The following NSMF variants were observed in gnomAD, a reference collection of about 807,000 sequenced individuals.
NSMF encodes the protein NMDA receptor synaptonuclear signaling and neuronal migration factor, also known as nasal embryonic LHRH factor.
A neutral mutation model predicts 71.0 loss-of-function variants in NSMF; 31 were observed. That is an observed-to-expected ratio of 0.44 (90% confidence interval 0.33 to 0.59). The LOEUF is 0.59. Ranked by LOEUF, NSMF falls within the 20% of genes least tolerant of loss-of-function variation. The probability of loss-of-function intolerance (pLI) is 0.04; values close to 1 mark genes in which losing one functional copy is unlikely to be tolerated. For synonymous variants in NSMF, 345 were observed against 287.1 expected (o/e 1.20, Z -2.04); for missense variants, 673 against 740.5 (o/e 0.91, Z 1.06).
intron 6 of NSMF, chr9:137,454,922 C>A: frequency 1.4e-6 from 1 of 694,100 alleles, no homozygotes; most frequent in Non-Finnish European, 2.5e-6. Context: ...ACTTTGGACC[C>A]TGCCAAGGCC....
chr9:137,452,596 GAC>G lies in NSMF; in HGVS notation c.1132-12_1132-11del, dbSNP rs763719270. The G allele has an allele frequency of 3.5e-5, 56 of 1,612,654 alleles. No homozygotes were observed. The highest frequency in any genetic ancestry group is 4.7e-5 in the Non-Finnish European group (56 of 1,179,942). On this transcript the variant is annotated splice_polypyrimidine_tract_variant and intron_variant, in intron 10 of 15. Coordinates refer to ENST00000371475, the MANE Select transcript of NSMF (RefSeq NM_001130969.3). The stretch of plus-strand genomic sequence containing the variant: ...TTGCGTGCTCATGGTCCTGGGGACA[GAC>G]ACAGGCCACAAGGCCACATCAAGGC...
At position 137,456,484 on chromosome 9, in the gene NSMF, C is replaced by T. The variant is rs747436973; in HGVS notation, c.631G>A (p.Asp211Asn). 5.0e-6 allele frequency: 8 copies of T among 1,610,374 alleles called. No individual in the cohort carries two copies. The highest frequency in any genetic ancestry group is 2.7e-5 in the African/African-American group (2 of 74,838). The change falls in exon 4 of 16, where the codon GAC becomes AAC. Residue 211 changes from aspartate (D) to asparagine (N), a missense_variant and splice_region_variant. Coordinates refer to ENST00000371475, the MANE Select transcript of NSMF (RefSeq NM_001130969.3). Reference protein sequence around the residue: ...RMYSVDRVSDDIPIRTWFPKE... With the variant: ...RMYSVDRVSDNIPIRTWFPKE... ...GGGAACCAGGTACGAATAGGGATGT[C>T]GTCTAAGAGAGACAAAAAGGAGCGG...
At chr9:137,458,009 G>T (rs1259706899) in intron 2 of NSMF, 108 bp from the exon 3 acceptor site, 1 of 1,484,308 alleles carries the variant, frequency 6.7e-7, no homozygotes. Context: ...GCCTCTGTGG[G>T]GGACTAGGGC....
Position 137,458,522 on chromosome 9 carries a change from C to A in NSMF, c.99G>T (p.Leu33=). Residue 33 remains leucine (L), a synonymous_variant, in exon 2 of 16, where the codon CTG becomes CTT. Transcript: ENST00000371475. The part of the protein sequence containing the change: ...VRAARAFGEY[L]SQSHPENRNG... ...TGCGGTTCTCAGGGTGACTCTGGGACAGGTACTCTCCAAACGCTCGGGCTG... is the reference window on the plus strand; with the variant it reads ...TGCGGTTCTCAGGGTGACTCTGGGAAAGGTACTCTCCAAACGCTCGGGCTG... 4 of 1,599,042 alleles carry A rather than the reference C, an allele frequency of 2.5e-6. No homozygotes were observed. Among genetic ancestry groups the A allele is most frequent in the Non-Finnish European group, 3.4e-6 (4 of 1,174,638 alleles).
chr9:137,457,321 C>G (rs1830884347), intron 3 of NSMF, 86 bp downstream of exon 3: 1 of 1,582,072 alleles, frequency 6.3e-7, no homozygotes, highest in East Asian at 2.2e-5. Flanking sequence ...GTTCTCTGTT[C>G]CAAGCCTCAC....
In NSMF at chr9:137,453,062, C is replaced by T. The variant is rs1213277502; in HGVS notation, c.1041G>A (p.Lys347=). 1.9e-6 allele frequency: 3 copies of T among 1,612,376 alleles called. No homozygotes were observed. The highest frequency in any genetic ancestry group is 2.7e-5 in the African/African-American group (2 of 74,904). ...TGCCCGGGCTGGGCCTCACCATGACCTTTGGTGGCACGAAGCCTTCGGTGT... is the reference window on the plus strand; with the variant it reads ...TGCCCGGGCTGGGCCTCACCATGACTTTTGGTGGCACGAAGCCTTCGGTGT... ...ACDTEGFVPP[K]VMLISSKVPK... Residue 347 remains lysine, a synonymous_variant, in exon 9 of 16, where the codon AAG becomes AAA. Transcript: ENST00000371475. This position sits in a 1 kb window ranked among gnomAD's most constrained non-coding sequence, Gnocchi z 4.5.
chr9:137,453,788 G>A lies in NSMF; in HGVS notation c.865C>T (p.Arg289Trp), dbSNP rs1830674469. 1 of 1,599,484 alleles carries A rather than the reference G, an allele frequency of 6.3e-7. No homozygotes were observed. Residue 289 changes from arginine (R) to tryptophan (W), a missense_variant, in exon 8 of 16, where the codon CGG (arginine) becomes TGG (tryptophan). Coordinates refer to ENST00000371475, the MANE Select transcript of NSMF (RefSeq NM_001130969.3). This position sits in a 1 kb window ranked among gnomAD's most constrained non-coding sequence, Gnocchi z 4.5. ...FAERRERSFS[R>W]SWSDPTPMKA... ...ATGGGGGTGGGGTCGCTCCAGGACC[G>A]GCTGAAGCTCCGCTCGCGCCGCTCA...
At position 137,456,440 on chromosome 9, in the gene NSMF, G is replaced by A. The variant is rs1251952492; in HGVS notation, c.675C>T (p.Ser225=). The A allele has an allele frequency of 1.9e-6, 3 of 1,613,216 alleles. No homozygotes were observed. The highest frequency in any genetic ancestry group is 4.5e-5 in the East Asian group (2 of 44,896). ...GCATAGTTGTGGTTGCTGTCTGGAA[G>A]CTGAAAAGATTTTCCTTGGGGAACC... The part of the protein sequence containing the change: ...RTWFPKENLF[S]FQTATTTMQA... The change falls in exon 4 of 16, where the codon AGC becomes AGT. Residue 225 remains serine, a synonymous_variant. Coordinates refer to ENST00000371475, the MANE Select transcript of NSMF (RefSeq NM_001130969.3).
At chr9:137,449,793 G>A in intron 14 of NSMF, 119 bp from the exon 15 acceptor site, 4 of 1,299,612 alleles carry the variant, frequency 3.1e-6, no homozygotes, top group Non-Finnish European at 4.4e-6. Flanking sequence ...GCTGGGCTCA[G>A]GCATAAAGGA....
At chr9:137,449,829 G>GA (rs796344026) in intron 14 of NSMF, 94 bp downstream of exon 14, 29 of 1,356,202 alleles carry the variant, frequency 2.1e-5, no homozygotes, top group Non-Finnish European at 2.5e-5. Context: ...CCGGGGGAAG[G>GA]AAAAAAAATG....
intron 7 of NSMF, among the ~76,000 whole-genome samples, chr9:137,454,034 G>A (rs1830694566): frequency 6.6e-6 from 1 of 151,284 alleles, no homozygotes; most frequent in African/African-American, 2.4e-5. Context: ...AGTCTGGGAA[G>A]GGAGGAGCCT....
At chr9:137,458,572 G>A (rs1180274379) in intron 1 of NSMF, 23 bp from the exon 2 acceptor site, 11 of 1,579,606 alleles carry the variant, frequency 7.0e-6, no homozygotes, top group African/African-American at 5.4e-5. Flanking sequence ...AGAGGGCACG[G>A]TCAGAGGCCA....
At chr9:137,456,514 T>C in intron 3 of NSMF, 28 bp from the exon 4 acceptor site, 3 of 1,501,768 alleles carry the variant, frequency 2.0e-6, no homozygotes, top group Non-Finnish European at 2.8e-6. Context: ...GAGCGGTGGC[T>C]GGGTGAAGTA....
intron 2 of NSMF, 65 bp from the exon 3 acceptor site, chr9:137,457,966 G>A: frequency 6.5e-7 from 1 of 1,534,022 alleles, no homozygotes; most frequent in East Asian, 2.4e-5. Context: ...TTTCATAGCA[G>A]GCCGAAGGCA....
At chr9:137,458,607 G>A in intron 1 of NSMF, 58 bp from the exon 2 acceptor site, 1 of 1,495,688 alleles carries the variant, frequency 6.7e-7, no homozygotes, top group Non-Finnish European at 9.1e-7. Context: ...CAAACACCGG[G>A]CCGCGCAAGA....
At chr9:137,449,741 G>A in intron 14 of NSMF, 67 bp from the exon 15 acceptor site, 2 of 1,465,738 alleles carry the variant, frequency 1.4e-6, no homozygotes, top group Admixed American at 3.7e-5. Flanking sequence ...GGAGGAGATG[G>A]GGAGCAGGGC....
At chr9:137,458,090 G>A (rs2132019962) in intron 2 of NSMF, among the ~76,000 whole-genome samples, 189 bp from the exon 3 acceptor site, 1 of 152,324 alleles carries the variant, frequency 6.6e-6, no homozygotes, top group Admixed American at 6.5e-5. Context: ...TCTAGCATGT[G>A]CGTGGGGGCT....
At position 137,453,455 on chromosome 9, in the gene NSMF, T is replaced by C; in HGVS notation, c.923-275A>G. On this transcript the variant is annotated intron_variant, in intron 8 of 15. Transcript: ENST00000371475. This position sits in a 1 kb window ranked among gnomAD's most constrained non-coding sequence, Gnocchi z 4.5. ...AGTCCGCCGGGCGCCTGGGAGGGAGTGGGGGCGGGCACCGCAGCCCCCTGC... is the reference window on the plus strand; with the variant it reads ...AGTCCGCCGGGCGCCTGGGAGGGAGCGGGGGCGGGCACCGCAGCCCCCTGC... 1 of 600,552 alleles carries C rather than the reference T, an allele frequency of 1.7e-6. No individual in the cohort carries two copies. Among genetic ancestry groups the C allele is most frequent in the Non-Finnish European group, 2.9e-6 (1 of 340,920 alleles). The allele number at this position is 600,552 out of a possible 1,614,324, so 37.2% of individuals were successfully genotyped here.
chr9:137,455,304 C>T lies in NSMF; in HGVS notation c.714G>A (p.Val238=). 1.6e-5 allele frequency: 26 copies of T among 1,612,760 alleles called. No individual in the cohort carries two copies. Among genetic ancestry groups the T allele is most frequent in the Non-Finnish European group, 2.0e-5 (24 of 1,179,912 alleles). Residue 238 remains valine, a synonymous_variant, in exon 6 of 16, where the codon GTG becomes GTA. Transcript: ENST00000371475. ...GCTTCCTCTCCGCGTAGCCCCTGAA[C>T]ACCCTGGGAAACCACCGCGAGTCAG... ...TATTTMQAIS[V]FRGYAERKRR... is the part of the protein sequence containing the mutation.
Sources: gnomAD v4.1 joint callset for allele counts (sites outside exome capture counted in the v4.1 genomes callset) on GRCh38, gnomAD v4.1.1 for gene constraint, Gnocchi (gnomAD v3.1) non-coding constraint, MANE v1.5 for transcripts, NCBI Gene and HGNC (gene_info 2026-07-23, HGNC 2026-07-21) for gene names.